ENTPD1: variants seen among roughly 807,000 people sequenced by gnomAD.
ENTPD1 encodes ectonucleoside triphosphate diphosphohydrolase 1, also known as ATP diphosphohydrolase.
ENTPD1 carries 33 observed loss-of-function variants against 57.0 expected under a neutral mutation model. That is an observed-to-expected ratio of 0.58 (90% confidence interval 0.44 to 0.77). The LOEUF is 0.77. ENTPD1 is among the 30% of genes least tolerant of loss of function. The probability of loss-of-function intolerance (pLI) is 0.00; values close to 1 mark genes in which losing one functional copy is unlikely to be tolerated. For synonymous variants in ENTPD1, 202 were observed against 218.8 expected (o/e 0.92, Z 0.68); for missense variants, 501 against 603.4 (o/e 0.83, Z 1.78).
chr10:95,842,625 A>C, intron 4 of ENTPD1, 131 bp downstream of exon 4: 1 of 997,302 alleles, frequency 1.0e-6, no homozygotes, highest in Non-Finnish European at 1.5e-6. Context: ...TACTTAAGAA[A>C]GGATATTTTA....
chr10:95,722,949 G>A (rs868021926), intron 1 of ENTPD1, among the ~76,000 whole-genome samples: 46 of 152,308 alleles, frequency 3.0e-4, no homozygotes, highest in African/African-American at 1.1e-3. Flanking sequence ...CTGATGAGGT[G>A]TGCTCACAAT....
intron 1 of ENTPD1, among the ~76,000 whole-genome samples, chr10:95,821,025 G>C (rs1026397591): frequency 6.6e-6 from 1 of 152,200 alleles, no homozygotes; most frequent in Non-Finnish European, 1.5e-5. Flanking sequence ...TATTATGGTA[G>C]AAACATTGCT....
intron 2 of ENTPD1, among the ~76,000 whole-genome samples, chr10:95,827,021 A>C (rs1450217891): frequency 6.6e-6 from 1 of 152,208 alleles, no homozygotes; most frequent in Non-Finnish European, 1.5e-5. Flanking sequence ...GTGCTCAATA[A>C]AAATATAAAA....
intron 2 of ENTPD1, among the ~76,000 whole-genome samples, chr10:95,834,938 T>A (rs976792409): frequency 7.2e-5 from 11 of 152,148 alleles, no homozygotes; most frequent in African/African-American, 1.9e-4. Flanking sequence ...AAAAAAAATT[T>A]AAAAATTTAA....
chr10:95,707,886 T>C (rs1589629625), upstream of ENTPD1, among the ~76,000 whole-genome samples: 1 of 152,240 alleles, frequency 6.6e-6, no homozygotes, highest in Non-Finnish European at 1.5e-5. Flanking sequence ...ATTACAGGTG[T>C]GAGCCACCTC....
intron 1 of ENTPD1, among the ~76,000 whole-genome samples, chr10:95,722,206 T>C (rs1350728574): frequency 6.6e-6 from 1 of 151,598 alleles, no homozygotes; most frequent in Non-Finnish European, 1.5e-5. Context: ...CACAAGAGTC[T>C]CCCTATCAAT....
chr10:95,717,241 T>G (rs761413005), intron 1 of ENTPD1, among the ~76,000 whole-genome samples: 1 of 152,186 alleles, frequency 6.6e-6, no homozygotes, highest in Non-Finnish European at 1.5e-5. Context: ...CTTCACCTTT[T>G]AAATTTGTTT....
chr10:95,703,598 A>G, the ENTPD1 span, among the ~76,000 whole-genome samples: 1 of 152,078 alleles, frequency 6.6e-6, no homozygotes, highest in South Asian at 2.1e-4. Flanking sequence ...CCTGGCTAAC[A>G]TGGTGAAACG....
chr10:95,874,050 T>C lies in ENTPD1; in HGVS notation c.*7667T>C, dbSNP rs991615286. On this transcript the variant is annotated 3_prime_UTR_variant, in exon 10 of 10. Transcript: ENST00000371205. ...GTGGGGACACAGCCAAACCATATCA[T>C]TCCTCCCTGGGCTCCTCCAAATTTC... 2.0e-5 allele frequency among the ~76,000 whole-genome samples: 3 copies of C among 152,148 alleles called. No individual in the cohort carries two copies. Among genetic ancestry groups the C allele is most frequent in the African/African-American group, 7.2e-5 (3 of 41,426 alleles).
chr10:95,723,678 G>A (rs2097980281), intron 1 of ENTPD1, among the ~76,000 whole-genome samples: 1 of 152,182 alleles, frequency 6.6e-6, no homozygotes, highest in African/African-American at 2.4e-5. Flanking sequence ...AAAGGTAGGG[G>A]CACACACATG....
chr10:95,750,537 A>G (rs118027170), intron 1 of ENTPD1, among the ~76,000 whole-genome samples: 5,145 of 152,020 alleles, frequency 0.034, 120 homozygotes, highest in Non-Finnish European at 0.049. Context: ...TGCTGGTGCC[A>G]TGCTTCTTGC....
At chr10:95,828,802 C>T (rs1356809591) in intron 2 of ENTPD1, among the ~76,000 whole-genome samples, 1 of 151,470 alleles carries the variant, frequency 6.6e-6, no homozygotes, top group Non-Finnish European at 1.5e-5. Flanking sequence ...TCTCTGCCTC[C>T]CAGGTTCAAG....
At chr10:95,756,461 G>T (rs2098024934) in intron 1 of ENTPD1, 1 of 620,790 alleles carries the variant, frequency 1.6e-6, no homozygotes. Flanking sequence ...AGTCAAGGGT[G>T]GCTCTAGAGC....
intron 1 of ENTPD1, among the ~76,000 whole-genome samples, chr10:95,808,120 A>T (rs1173581248): frequency 6.6e-6 from 1 of 152,176 alleles, no homozygotes; most frequent in African/African-American, 2.4e-5. Flanking sequence ...GGGAGTTTTT[A>T]ACATGAAGAG....
At chr10:95,736,031 C>T (rs550888867) in intron 1 of ENTPD1, among the ~76,000 whole-genome samples, 4 of 142,670 alleles carry the variant, frequency 2.8e-5, no homozygotes, top group African/African-American at 7.9e-5. Flanking sequence ...GACAGAGTCT[C>T]ACTCTGTTGC....
chr10:95,779,117 C>T (rs1035736176), intron 1 of ENTPD1, among the ~76,000 whole-genome samples: 1 of 152,184 alleles, frequency 6.6e-6, no homozygotes, highest in Non-Finnish European at 1.5e-5. Flanking sequence ...TATTAGACAA[C>T]TTTGTTAGAA....
chr10:95,721,835 A>G (rs1253681375), intron 1 of ENTPD1, among the ~76,000 whole-genome samples: 1 of 152,178 alleles, frequency 6.6e-6, no homozygotes, highest in Non-Finnish European at 1.5e-5. Flanking sequence ...TACGCTTACC[A>G]AGTAGCAGTC....
intron 1 of ENTPD1, among the ~76,000 whole-genome samples, chr10:95,760,293 G>T (rs1000144594): frequency 6.6e-6 from 1 of 152,212 alleles, no homozygotes; most frequent in African/African-American, 2.4e-5. Context: ...AAGATGAGTA[G>T]AATCTGGTGC....
At chr10:95,807,783 T>C (rs2098279339) in intron 1 of ENTPD1, among the ~76,000 whole-genome samples, 1 of 152,134 alleles carries the variant, frequency 6.6e-6, no homozygotes, top group Non-Finnish European at 1.5e-5. Context: ...TCTGAGACTT[T>C]GTTGAAGTTG....
Sources: allele counts gnomAD v4.1 joint callset (sites outside exome capture counted in the v4.1 genomes callset), GRCh38; gene constraint gnomAD v4.1.1; transcripts MANE v1.5; gene names NCBI Gene and HGNC (gene_info 2026-07-23, HGNC 2026-07-21).